MTUS2: variants seen among roughly 807,000 people sequenced by gnomAD.
The protein encoded by MTUS2 is microtubule associated scaffold protein 2, also known as microtubule-associated tumor suppressor candidate 2.
Under a neutral mutation model 114.1 loss-of-function variants are expected in MTUS2, and 40 were observed. The observed-to-expected ratio is 0.35, with a 90% CI of 0.27 to 0.46. The LOEUF (loss-of-function observed/expected upper bound fraction) is 0.46, where lower values mean the gene tolerates loss of function less well. MTUS2 is among the 20% of genes least tolerant of loss of function. MTUS2 has a pLI of 1.00. For missense variants in MTUS2, 1,679 were observed against 1,705.4 expected, an observed-to-expected ratio of 0.98 and a Z score of 0.27; for synonymous variants, 688 against 672.0, an observed-to-expected ratio of 1.02 and a Z score of -0.37.
intron 2 of MTUS2, among the ~76,000 whole-genome samples, chr13:29,006,987 C>T (rs1885630125): frequency 6.6e-6 from 1 of 152,154 alleles, no homozygotes; most frequent in Non-Finnish European, 1.5e-5. Context: ...TGTCTTTCCT[C>T]CCACTGATTC....
intron 9 of MTUS2, among the ~76,000 whole-genome samples, chr13:29,442,143 G>C (rs886363421): frequency 2.0e-5 from 3 of 152,188 alleles, no homozygotes; most frequent in Non-Finnish European, 2.9e-5. Context: ...TAGAGGTAGA[G>C]ACCCTTGGAG....
At position 28,900,304 on chromosome 13, in the gene MTUS2, G is replaced by A. The variant is rs143460576; in HGVS notation, c.-243+60454G>A. On this transcript the variant is annotated intron_variant, in intron 2 of 15. Coordinates refer to ENST00000612955, the MANE Select transcript of MTUS2 (RefSeq NM_001033602.4). Reference sequence around the variant, plus strand: ...ACCAGTTTTACCTGTAGCTGTGTGTGTGTGTGTATGTGTGTGTGTTCCATG... The same window carrying A: ...ACCAGTTTTACCTGTAGCTGTGTGTATGTGTGTATGTGTGTGTGTTCCATG... Among the ~76,000 whole-genome samples, 467 of 152,278 alleles carry A rather than the reference G, an allele frequency of 3.1e-3. 2 individuals carry two copies. The highest frequency in any genetic ancestry group is 0.023 in the South Asian group (112 of 4,828).
Position 29,480,205 on chromosome 13 carries a change from G to T in MTUS2, c.3240G>T (p.Arg1080Ser). Residue 1080 changes from arginine (R) to serine (S), a missense_variant, in exon 10 of 16, where the codon AGG becomes AGT. This residue lies in a region of MTUS2 where 822 missense variants were observed against 899.7 expected (regional missense o/e 0.91). Coordinates refer to ENST00000612955, the MANE Select transcript of MTUS2 (RefSeq NM_001033602.4). The surrounding 1 kb of genome is among the most constrained non-coding windows in gnomAD (Gnocchi z 4.4). ...AAAAGGAGAAGGAGGAGCTGGAGAGGCGGTTCGAGGACGAGGTGAAGAGGC... is the reference window on the plus strand; with the variant it reads ...AAAAGGAGAAGGAGGAGCTGGAGAGTCGGTTCGAGGACGAGGTGAAGAGGC... ...KLQKEKEELE[R>S]RFEDEVKRLG... is the part of the protein sequence containing the mutation. 1 of 1,555,758 alleles carries T rather than the reference G, an allele frequency of 6.4e-7. No individual in the cohort carries two copies. The highest frequency in any genetic ancestry group is 8.7e-7 in the Non-Finnish European group (1 of 1,148,808).
chr13:29,439,658 A>G (rs1877681446), intron 8 of MTUS2, among the ~76,000 whole-genome samples: 1 of 152,212 alleles, frequency 6.6e-6, no homozygotes, highest in South Asian at 2.1e-4. Flanking sequence ...AACACTGTAC[A>G]ATAATATATG....
intron 7 of MTUS2, among the ~76,000 whole-genome samples, chr13:29,355,784 A>T (rs919486305): frequency 6.6e-6 from 1 of 152,198 alleles, no homozygotes; most frequent in Non-Finnish European, 1.5e-5. Context: ...TTTCACACAG[A>T]AAAGGAAGTA....
chr13:29,003,192 G>C (rs1344972630), intron 2 of MTUS2, among the ~76,000 whole-genome samples: 1 of 152,210 alleles, frequency 6.6e-6, no homozygotes, highest in Non-Finnish European at 1.5e-5. Flanking sequence ...GCCGCTTACT[G>C]TGTGCCTAAC....
At chr13:28,980,419 C>G (rs755137484) in intron 2 of MTUS2, among the ~76,000 whole-genome samples, 55 of 152,306 alleles carry the variant, frequency 3.6e-4, no homozygotes, top group Non-Finnish European at 6.0e-4. Flanking sequence ...GCTAGTTTCT[C>G]TGTATTTTCC....
intron 6 of MTUS2, among the ~76,000 whole-genome samples, chr13:29,316,861 T>A (rs980162770): frequency 6.6e-6 from 1 of 152,208 alleles, no homozygotes; most frequent in Non-Finnish European, 1.5e-5. Flanking sequence ...TTATAAATGC[T>A]TATGATAAAT....
intron 4 of MTUS2, among the ~76,000 whole-genome samples, chr13:29,092,031 C>T (rs1393401884): frequency 6.6e-6 from 1 of 152,180 alleles, no homozygotes; most frequent in Admixed American, 6.5e-5. Flanking sequence ...TAAGATGAAC[C>T]TCAGCCAAAA....
chr13:29,045,318 G>T lies in MTUS2; in HGVS notation c.2446+11193G>T, dbSNP rs1183760840. Among the ~76,000 whole-genome samples, 3 of 152,096 alleles carry T rather than the reference G, an allele frequency of 2.0e-5. No individual in the cohort carries two copies. In the East Asian group the frequency reaches 5.8e-4, roughly 29 times the overall value. On this transcript the variant is annotated intron_variant, in intron 4 of 15. Coordinates refer to ENST00000612955, the MANE Select transcript of MTUS2 (RefSeq NM_001033602.4). Reference sequence around the variant, plus strand: ...GGGCCCTCTTCTTTGTTTGCAGATGGATGCATTTTTGCCATAGCCTTACAT... The same window carrying T: ...GGGCCCTCTTCTTTGTTTGCAGATGTATGCATTTTTGCCATAGCCTTACAT...
chr13:29,064,930 A>T (rs576016447), intron 4 of MTUS2, among the ~76,000 whole-genome samples: 1 of 152,330 alleles, frequency 6.6e-6, no homozygotes, highest in Non-Finnish European at 1.5e-5. Context: ...CTCTAGCTCC[A>T]TCCATGTTCC....
rs1282715378 is a variant in MTUS2 at position 29,148,623 on chromosome 13, C to T, written c.2644+47653C>T. On this transcript the variant is annotated intron_variant, in intron 5 of 15. Coordinates refer to ENST00000612955, the MANE Select transcript of MTUS2 (RefSeq NM_001033602.4). ...CCTCCCAAGTAGCTGGGACTACAGG[C>T]GCCCGCCACCACGCCCGGCTAATTT... Among the ~76,000 whole-genome samples, 5 of 115,310 alleles carry T rather than the reference C, an allele frequency of 4.3e-5. 1 individual carries two copies. The highest frequency in any genetic ancestry group is 7.8e-5 in the African/African-American group (3 of 38,448). The allele number at this position is 115,310 out of a possible 152,430, so 75.6% of individuals were successfully genotyped here.
chr13:29,297,842 G>A (rs906226710), intron 6 of MTUS2, among the ~76,000 whole-genome samples: 11 of 151,660 alleles, frequency 7.3e-5, no homozygotes, highest in East Asian at 3.9e-4. Flanking sequence ...AAAGTGTTGC[G>A]GATTTAGTGC....
intron 2 of MTUS2, among the ~76,000 whole-genome samples, chr13:29,023,156 C>T (rs1207479348): frequency 6.6e-6 from 1 of 152,092 alleles, no homozygotes; most frequent in Non-Finnish European, 1.5e-5. Flanking sequence ...TTCCACATTC[C>T]ATGCAGATGG....
intron 4 of MTUS2, among the ~76,000 whole-genome samples, chr13:29,063,700 A>G (rs1406509513): frequency 6.6e-6 from 1 of 152,234 alleles, no homozygotes; most frequent in Non-Finnish European, 1.5e-5. Context: ...GGAACAATCT[A>G]AACAAGCACA....
intron 15 of MTUS2, among the ~76,000 whole-genome samples, chr13:29,502,741 C>CAGTG (rs1882990888): frequency 6.6e-6 from 1 of 152,254 alleles, no homozygotes; most frequent in African/African-American, 2.4e-5. Flanking sequence ...AGTGGACAGC[C>CAGTG]AGTGCCTCCC....
intron 4 of MTUS2, among the ~76,000 whole-genome samples, chr13:29,087,044 G>A (rs1261044382): frequency 6.6e-6 from 1 of 152,158 alleles, no homozygotes; most frequent in African/African-American, 2.4e-5. Flanking sequence ...CATATCATCA[G>A]TGAAGTGGGA....
chr13:29,022,493 A>G (rs1017908153), intron 2 of MTUS2, among the ~76,000 whole-genome samples: 9 of 152,254 alleles, frequency 5.9e-5, no homozygotes, highest in African/African-American at 2.2e-4. Flanking sequence ...TCCAGCCCTC[A>G]TATTCTTTTT....
At chr13:29,301,365 G>C (rs1434488870) in intron 6 of MTUS2, among the ~76,000 whole-genome samples, 2 of 152,172 alleles carry the variant, frequency 1.3e-5, no homozygotes, top group African/African-American at 4.8e-5. Context: ...TTAGCTGCCA[G>C]CATGCACTGC....
Sources: gnomAD v4.1 joint callset for allele counts (sites outside exome capture counted in the v4.1 genomes callset) on GRCh38, gnomAD v4.1.1 for gene constraint, gnomAD v4.1.1 regional missense constraint, Gnocchi (gnomAD v3.1) non-coding constraint, MANE v1.5 for transcripts, NCBI Gene and HGNC (gene_info 2026-07-23, HGNC 2026-07-21) for gene names.